RELN: variants seen among roughly 807,000 people sequenced by gnomAD.
RELN encodes reelin.
Under a neutral mutation model 427.6 loss-of-function variants are expected in RELN, and 108 were observed. The observed-to-expected ratio is 0.25, with a 90% CI of 0.22 to 0.30. The LOEUF is 0.30. Ranked by LOEUF, RELN falls within the 10% of genes least tolerant of loss-of-function variation. RELN has a pLI of 1.00. For missense variants in RELN, 3,715 were observed against 4,302.8 expected, an observed-to-expected ratio of 0.86 and a Z score of 3.82; for synonymous variants, 1,524 against 1,513.4, an observed-to-expected ratio of 1.01 and a Z score of -0.16.
chr7:103,637,815 T>C (rs1161453663), intron 17 of RELN, among the ~76,000 whole-genome samples: 1 of 152,210 alleles, frequency 6.6e-6, no homozygotes, highest in Non-Finnish European at 1.5e-5. Context: ...GAATGTGTTT[T>C]ACCACAGTCA....
intron 8 of RELN, among the ~76,000 whole-genome samples, chr7:103,709,048 G>T (rs1469302467): frequency 6.6e-6 from 1 of 152,174 alleles, no homozygotes; most frequent in Non-Finnish European, 1.5e-5. Context: ...ATGAACACTT[G>T]AATGAATGAA....
intron 1 of RELN, among the ~76,000 whole-genome samples, chr7:103,964,432 G>A (rs1244194764): frequency 2.0e-5 from 3 of 152,162 alleles, no homozygotes; most frequent in African/African-American, 7.2e-5. Context: ...GAGAATTTTA[G>A]TGATGTCTTC....
chr7:103,588,979 T>G (rs1003848944), intron 28 of RELN, among the ~76,000 whole-genome samples: 4 of 152,104 alleles, frequency 2.6e-5, no homozygotes, highest in African/African-American at 9.7e-5. Context: ...GCATTTTTTT[T>G]GCAAATTTGA....
At chr7:103,737,910 G>T (rs1297635672) in intron 6 of RELN, among the ~76,000 whole-genome samples, 1 of 151,974 alleles carries the variant, frequency 6.6e-6, no homozygotes, top group Non-Finnish European at 1.5e-5. Context: ...ACTGATGGAG[G>T]TCTTCTTGTA....
In RELN at chr7:103,661,404, A is replaced by G. The variant is rs2117412676; in HGVS notation, c.1413T>C (p.Tyr471=). The G allele has an allele frequency of 6.2e-7, 1 of 1,613,968 alleles. No individual in the cohort carries two copies. The highest frequency in any genetic ancestry group is 2.2e-5 in the East Asian group (1 of 44,824). The change falls in exon 12 of 65, where the codon TAT becomes TAC. Residue 471 remains tyrosine (Y), a synonymous_variant. Coordinates refer to ENST00000428762, the MANE Select transcript of RELN (RefSeq NM_005045.4). ...LCTPSMDTTG[Y]GNLRFYFVMG... ...TCACAAAGTAAAACCTCAGGTTCCC[A>G]TAACCGGTAGTGTCCATGGATGGAG... is the stretch of plus-strand genomic sequence containing the variant.
chr7:103,764,415 T>C (rs1791378068), intron 4 of RELN, among the ~76,000 whole-genome samples: 1 of 152,162 alleles, frequency 6.6e-6, no homozygotes, highest in African/African-American at 2.4e-5. Flanking sequence ...ACTCAGAGTA[T>C]AGGTAACTGC....
intron 6 of RELN, among the ~76,000 whole-genome samples, chr7:103,749,149 T>C (rs1187467839): frequency 1.3e-5 from 2 of 152,006 alleles, no homozygotes; most frequent in African/African-American, 4.8e-5. Flanking sequence ...AGACATATAA[T>C]AGCATAATAT....
In RELN at chr7:103,471,957, A is replaced by G. The variant is rs1467908723; in HGVS notation, c.*855T>C. On this transcript the variant is annotated 3_prime_UTR_variant, in exon 65 of 65. Transcript: ENST00000428762. Reference sequence around the variant, plus strand: ...TATGAATATGACCCGCAGAAAAAACAATCCACGAAGAAAACACAATGAAAA... The same window carrying G: ...TATGAATATGACCCGCAGAAAAAACGATCCACGAAGAAAACACAATGAAAA... 2 of 152,640 alleles carry G rather than the reference A, an allele frequency of 1.3e-5. No homozygotes were observed. Among genetic ancestry groups the G allele is most frequent in the Admixed American group, 6.5e-5 (1 of 15,286 alleles). 9.5% of individuals were successfully genotyped at this position (152,640 alleles called of 1,614,324 possible).
chr7:103,497,769 A>G, intron 55 of RELN, 51 bp downstream of exon 55: 1 of 1,451,556 alleles, frequency 6.9e-7, no homozygotes. Flanking sequence ...AGGGTGTTGG[A>G]TGGAATTTGG....
chr7:103,921,837 T>G (rs1330383439), intron 1 of RELN, among the ~76,000 whole-genome samples: 1 of 143,540 alleles, frequency 7.0e-6, no homozygotes, highest in Non-Finnish European at 1.5e-5. Context: ...CCTCCTGGCC[T>G]CTGCTCTTAC....
intron 2 of RELN, among the ~76,000 whole-genome samples, chr7:103,880,170 TG>T (rs1794573538): frequency 6.6e-6 from 1 of 151,908 alleles, no homozygotes; most frequent in Non-Finnish European, 1.5e-5. Context: ...AAGAAGCAGG[TG>T]ATGTTAACAT....
intron 16 of RELN, 59 bp downstream of exon 16, chr7:103,650,214 CA>C: frequency 9.6e-7 from 1 of 1,041,870 alleles, no homozygotes; most frequent in South Asian, 1.3e-5. Context: ...TGCTGACGAA[CA>C]AAAGCACAGG....
At chr7:103,780,421 C>T (rs997356459) in intron 3 of RELN, among the ~76,000 whole-genome samples, 1 of 152,082 alleles carries the variant, frequency 6.6e-6, no homozygotes, top group African/African-American at 2.4e-5. Context: ...ATTTTAAGTT[C>T]TGGGGTACAT....
chr7:103,673,266 A>T (rs577699111), intron 11 of RELN, among the ~76,000 whole-genome samples: 1 of 152,100 alleles, frequency 6.6e-6, no homozygotes, highest in South Asian at 2.1e-4. Flanking sequence ...GAAGTTATAT[A>T]ACCTCTATCT....
chr7:103,771,377 C>T (rs975068276), intron 4 of RELN, among the ~76,000 whole-genome samples: 2 of 152,088 alleles, frequency 1.3e-5, no homozygotes, highest in Non-Finnish European at 2.9e-5. Flanking sequence ...CCTCTTCTTC[C>T]CACTCCTGCC....
At chr7:103,518,070 G>A (rs1250820483) in intron 49 of RELN, among the ~76,000 whole-genome samples, 1 of 152,150 alleles carries the variant, frequency 6.6e-6, no homozygotes, top group African/African-American at 2.4e-5. Flanking sequence ...GAGTGGGGCA[G>A]AACAATAAGA....
chr7:103,643,885 G>C (rs1832743454), intron 16 of RELN, among the ~76,000 whole-genome samples: 1 of 151,930 alleles, frequency 6.6e-6, no homozygotes, highest in Non-Finnish European at 1.5e-5. Context: ...GGGAATACAG[G>C]CATGTGCCAT....
rs372317957 is a variant in RELN at position 103,965,943 on chromosome 7, G to A, written c.226+23188C>T. 1.1e-3 allele frequency among the ~76,000 whole-genome samples: 170 copies of A among 151,946 alleles called. 1 individual carries two copies. Among genetic ancestry groups the A allele is most frequent in the African/African-American group, 3.5e-3 (146 of 41,444 alleles). On this transcript the variant is annotated intron_variant, in intron 1 of 64. Transcript: ENST00000428762. ...TCATAGCTATATATATGTTTACCAC[G>A]TCAAAATCTCAGATTTAGAATTTAT...
At chr7:103,809,345 T>C (rs1480879469) in intron 3 of RELN, among the ~76,000 whole-genome samples, 1 of 151,718 alleles carries the variant, frequency 6.6e-6, no homozygotes, top group East Asian at 1.9e-4. Context: ...GTGCAGGTAG[T>C]AGAAAAAAAG....
Sources: allele counts gnomAD v4.1 joint callset (sites outside exome capture counted in the v4.1 genomes callset), GRCh38; gene constraint gnomAD v4.1.1; transcripts MANE v1.5; gene names NCBI Gene and HGNC (gene_info 2026-07-23, HGNC 2026-07-21).